CDH13: variants seen among roughly 807,000 people sequenced by gnomAD.
The protein encoded by CDH13 is cadherin 13.
Under a neutral mutation model 63.8 loss-of-function variants are expected in CDH13, and 24 were observed. That is an observed-to-expected ratio of 0.38 (90% confidence interval 0.27 to 0.53). The LOEUF is 0.53. Ranked by LOEUF, CDH13 falls within the 20% of genes least tolerant of loss-of-function variation. CDH13 has a pLI of 0.85. For synonymous variants in CDH13, 503 were observed against 355.3 expected, an observed-to-expected ratio of 1.42 and a Z score of -4.67; for missense variants, 1,049 against 903.1, an observed-to-expected ratio of 1.16 and a Z score of -2.07.
intron 5 of CDH13, among the ~76,000 whole-genome samples, chr16:83,251,217 C>T (rs1905488927): frequency 6.6e-6 from 1 of 151,952 alleles, no homozygotes; most frequent in South Asian, 2.1e-4. Context: ...GATCTCTGGG[C>T]ACTATTTCTT....
intron 2 of CDH13, among the ~76,000 whole-genome samples, chr16:83,005,774 C>T (rs1334248361): frequency 2.0e-5 from 3 of 152,134 alleles, no homozygotes; most frequent in East Asian, 3.8e-4. Context: ...TTGATTTGCT[C>T]CTTTAAAAAT....
chr16:83,456,849 C>G (rs1211233427), intron 6 of CDH13, among the ~76,000 whole-genome samples: 1 of 152,200 alleles, frequency 6.6e-6, no homozygotes, highest in Non-Finnish European at 1.5e-5. Context: ...GTAATCCCAG[C>G]TACTCAGGAG....
At chr16:82,738,646 C>T (rs2033795220) in intron 1 of CDH13, among the ~76,000 whole-genome samples, 1 of 152,210 alleles carries the variant, frequency 6.6e-6, no homozygotes, top group Admixed American at 6.5e-5. Flanking sequence ...GGTTCCTGAC[C>T]TCATGCCAGT....
intron 7 of CDH13, among the ~76,000 whole-genome samples, chr16:83,514,135 T>C (rs1312012540): frequency 1.3e-5 from 2 of 152,192 alleles, no homozygotes; most frequent in Non-Finnish European, 2.9e-5. Flanking sequence ...GGCCCTGCTC[T>C]TTGTTCTCTA....
At chr16:83,207,070 A>G (rs1002232697) in intron 4 of CDH13, among the ~76,000 whole-genome samples, 2 of 152,264 alleles carry the variant, frequency 1.3e-5, no homozygotes, top group African/African-American at 4.8e-5. Flanking sequence ...ATAGATAAAT[A>G]TGGAACTATG....
intron 2 of CDH13, among the ~76,000 whole-genome samples, chr16:82,963,784 C>T (rs1017169266): frequency 1.3e-5 from 2 of 152,144 alleles, no homozygotes; most frequent in African/African-American, 4.8e-5. Flanking sequence ...GTACCCATTT[C>T]CCCTTGGCAC....
At position 82,662,108 on chromosome 16, in the gene CDH13, G is replaced by T. The variant is rs60477134; in HGVS notation, c.45+34971G>T. 5.9e-5 allele frequency among the ~76,000 whole-genome samples: 9 copies of T among 152,314 alleles called. No individual in the cohort carries two copies. In the East Asian group the frequency reaches 1.7e-3, roughly 29 times the overall value. ...TCAAATAAATGGTAGTATGTCCATA[G>T]AATGGAGTATTCTCCATATTCTCAA... On this transcript the variant is annotated intron_variant, in intron 1 of 13. Coordinates refer to ENST00000567109, the MANE Select transcript of CDH13 (RefSeq NM_001257.5).
intron 5 of CDH13, among the ~76,000 whole-genome samples, chr16:83,259,489 G>A (rs1161785735): frequency 3.3e-5 from 5 of 152,032 alleles, no homozygotes; most frequent in South Asian, 2.1e-4. Flanking sequence ...CTCGACGTTC[G>A]TTTTTAAGTG....
At chr16:83,096,366 C>T (rs1212915519) in intron 3 of CDH13, among the ~76,000 whole-genome samples, 1 of 152,304 alleles carries the variant, frequency 6.6e-6, no homozygotes, top group East Asian at 1.9e-4. Flanking sequence ...GGATCTGCAG[C>T]TGGGACCTGC....
At chr16:83,253,638 G>C (rs1905858356) in intron 5 of CDH13, among the ~76,000 whole-genome samples, 1 of 152,218 alleles carries the variant, frequency 6.6e-6, no homozygotes. Flanking sequence ...CATTTTGCTA[G>C]GGGTTGACAG....
At chr16:83,656,344 T>G (rs1175262985) in intron 8 of CDH13, among the ~76,000 whole-genome samples, 3 of 151,864 alleles carry the variant, frequency 2.0e-5, no homozygotes, top group Non-Finnish European at 4.4e-5. Context: ...TTTGGTGGAG[T>G]CGGGAGGTGG....
At chr16:82,839,875 A>C (rs923280354) in intron 1 of CDH13, among the ~76,000 whole-genome samples, 8 of 152,168 alleles carry the variant, frequency 5.3e-5, no homozygotes, top group African/African-American at 1.9e-4. Context: ...CCATAAGAAA[A>C]ATCAGACTTA....
chr16:82,916,342 G>A (rs953837855), intron 2 of CDH13, among the ~76,000 whole-genome samples: 5 of 152,172 alleles, frequency 3.3e-5, no homozygotes, highest in African/African-American at 7.2e-5. Context: ...TTGGGAGGCC[G>A]AAGCGAGTGG....
intron 11 of CDH13, among the ~76,000 whole-genome samples, chr16:83,761,596 A>G (rs536120033): frequency 6.6e-6 from 1 of 152,350 alleles, no homozygotes; most frequent in East Asian, 1.9e-4. Context: ...CGCTATTTGA[A>G]CAGTTGGCCC....
intron 7 of CDH13, among the ~76,000 whole-genome samples, chr16:83,594,090 G>A (rs1485135156): frequency 6.6e-6 from 1 of 152,198 alleles, no homozygotes; most frequent in Non-Finnish European, 1.5e-5. Flanking sequence ...TGGAAGATTT[G>A]TCTAAGGAAG....
At chr16:83,390,419 C>G (rs17285299) in intron 6 of CDH13, among the ~76,000 whole-genome samples, 16,504 of 151,798 alleles carry the variant, frequency 0.11, 1,178 homozygotes, top group Non-Finnish European at 0.16. Flanking sequence ...AGATCTTAAC[C>G]TTATTGGACA....
At chr16:83,670,603 GTC>G (rs1914412539) in intron 8 of CDH13, among the ~76,000 whole-genome samples, 185 bp from the exon 9 acceptor site, 2 of 152,238 alleles carry the variant, frequency 1.3e-5, no homozygotes, top group Non-Finnish European at 1.5e-5. Flanking sequence ...AGAGAAGTTA[GTC>G]TCGTGGCCTC....
At chr16:83,026,597 G>T (rs1394212093) in intron 2 of CDH13, among the ~76,000 whole-genome samples, 1 of 151,950 alleles carries the variant, frequency 6.6e-6, no homozygotes, top group South Asian at 2.1e-4. Flanking sequence ...AGGAATAGTG[G>T]CAATTAGAAA....
At chr16:83,306,249 G>A (rs963125705) in intron 5 of CDH13, among the ~76,000 whole-genome samples, 2 of 152,218 alleles carry the variant, frequency 1.3e-5, no homozygotes, top group African/African-American at 4.8e-5. Context: ...GCTATGGTTT[G>A]GAGGTGGTTT....
Sources: allele counts gnomAD v4.1 joint callset (sites outside exome capture counted in the v4.1 genomes callset), GRCh38; gene constraint gnomAD v4.1.1; transcripts MANE v1.5; gene names NCBI Gene and HGNC (gene_info 2026-07-23, HGNC 2026-07-21).